Variants in PLXDC2 observed in about 807,000 individuals in gnomAD.
PLXDC2 encodes the protein plexin domain-containing protein 2.
In PLXDC2, 40 loss-of-function variants were observed where a neutral mutation model predicts 68.9. The observed-to-expected ratio is 0.58, with a 90% CI of 0.45 to 0.76. The LOEUF (loss-of-function observed/expected upper bound fraction) is 0.76. Ranked by LOEUF, PLXDC2 falls within the 30% of genes least tolerant of loss-of-function variation. The pLI, the probability that PLXDC2 is intolerant of heterozygous loss-of-function variation, is 0.00. For missense variants in PLXDC2, 644 were observed against 661.9 expected, an observed-to-expected ratio of 0.97 and a Z score of 0.30; for synonymous variants, 243 against 234.2, an observed-to-expected ratio of 1.04 and a Z score of -0.34.
At chr10:20,009,954 A>G (rs897017693) in intron 2 of PLXDC2, among the ~76,000 whole-genome samples, 1 of 151,978 alleles carries the variant, frequency 6.6e-6, no homozygotes, top group Non-Finnish European at 1.5e-5. Context: ...TTAAATTTAG[A>G]TTAGAATTGT....
chr10:19,964,872 C>A (rs1228833412), intron 1 of PLXDC2, among the ~76,000 whole-genome samples: 1 of 152,162 alleles, frequency 6.6e-6, no homozygotes, highest in African/African-American at 2.4e-5. Flanking sequence ...CCTCTGGGAG[C>A]AACCCAGGCT....
chr10:19,982,738 A>G (rs988171124), intron 1 of PLXDC2, among the ~76,000 whole-genome samples: 1 of 152,128 alleles, frequency 6.6e-6, no homozygotes, highest in Non-Finnish European at 1.5e-5. Flanking sequence ...AATGATCTGT[A>G]AAAATCAGCT....
chr10:19,861,039 C>A (rs1030661253), intron 1 of PLXDC2, among the ~76,000 whole-genome samples: 1 of 144,430 alleles, frequency 6.9e-6, no homozygotes, highest in Admixed American at 6.9e-5. Context: ...TACTTTCTGT[C>A]TTTTCTTTTT....
At chr10:20,057,593 C>G (rs1836021208) in intron 3 of PLXDC2, among the ~76,000 whole-genome samples, 1 of 151,908 alleles carries the variant, frequency 6.6e-6, no homozygotes, top group Admixed American at 6.6e-5. Context: ...ATCTTTTTTT[C>G]TCATTTTGCT....
At chr10:20,012,878 C>G (rs1346653540) in intron 2 of PLXDC2, among the ~76,000 whole-genome samples, 1 of 152,144 alleles carries the variant, frequency 6.6e-6, no homozygotes, top group Non-Finnish European at 1.5e-5. Context: ...TGTCTAGAAA[C>G]AAAAGTACTG....
chr10:19,979,353 A>T (rs1300507917), intron 1 of PLXDC2, among the ~76,000 whole-genome samples: 5 of 151,734 alleles, frequency 3.3e-5, no homozygotes, highest in Admixed American at 3.3e-4. Context: ...TCTTCCTTTC[A>T]TCTGTCTATC....
intron 1 of PLXDC2, among the ~76,000 whole-genome samples, chr10:20,000,535 T>G (rs1360026922): frequency 6.6e-6 from 1 of 152,190 alleles, no homozygotes; most frequent in Non-Finnish European, 1.5e-5. Context: ...TTTTACTGTA[T>G]GCATCATGAC....
chr10:20,153,592 C>G (rs1367858017), intron 6 of PLXDC2, among the ~76,000 whole-genome samples: 2 of 152,064 alleles, frequency 1.3e-5, no homozygotes, highest in Non-Finnish European at 1.5e-5. Context: ...TTAACAATAA[C>G]CTCCAAAGTT....
At chr10:20,082,947 A>ATATGTATGTATGTATGTATGTATG (rs143600746) in intron 4 of PLXDC2, among the ~76,000 whole-genome samples, 7 of 151,616 alleles carry the variant, frequency 4.6e-5, no homozygotes, top group African/African-American at 1.7e-4. Flanking sequence ...ATATGTACAT[A>ATATGTATGTATGTATGTATGTATG]TATGTATGTA....
intron 1 of PLXDC2, among the ~76,000 whole-genome samples, chr10:19,831,616 CTGT>C (rs1836694257): frequency 6.6e-6 from 1 of 152,132 alleles, no homozygotes; most frequent in South Asian, 2.1e-4. Flanking sequence ...ACCCCAGTGT[CTGT>C]TGTTCTCTTT....
rs1206547911 is a variant in PLXDC2, at chr10:20,281,909, G to A, written c.*2090G>A. 1 of 152,082 alleles carries A rather than the reference G, an allele frequency of 6.6e-6. No individual in the cohort carries two copies. Among genetic ancestry groups the A allele is most frequent in the Non-Finnish European group, 1.5e-5 (1 of 68,000 alleles). The allele number at this position is 152,082 out of a possible 1,614,324, so 9.4% of individuals were successfully genotyped here. A position where few individuals can be genotyped will look rare whatever the true frequency, so the allele number is the denominator to read the frequency against. On this transcript the variant is annotated 3_prime_UTR_variant, in exon 14 of 14. Transcript: ENST00000377252. ...TTTGTGGTAGCTGTGGCTTCCAATA[G>A]CAACTGTTTGACAGTTATATAAATC... is the stretch of plus-strand genomic sequence containing the variant.
At chr10:20,122,482 C>G (rs1348361114) in intron 4 of PLXDC2, among the ~76,000 whole-genome samples, 1 of 152,150 alleles carries the variant, frequency 6.6e-6, no homozygotes, top group Non-Finnish European at 1.5e-5. Context: ...GGCCAGAGTT[C>G]CAGGGGCTCT....
intron 13 of PLXDC2, among the ~76,000 whole-genome samples, chr10:20,266,899 A>T (rs1181667287): frequency 6.6e-6 from 1 of 152,230 alleles, no homozygotes. Context: ...TATCTAAAAT[A>T]ATCCAAGTGT....
At chr10:19,824,169 A>G (rs898278924) in intron 1 of PLXDC2, among the ~76,000 whole-genome samples, 1 of 152,222 alleles carries the variant, frequency 6.6e-6, no homozygotes, top group Non-Finnish European at 1.5e-5. Context: ...CTTATGTTTC[A>G]ATAACAGACA....
intron 4 of PLXDC2, among the ~76,000 whole-genome samples, chr10:20,091,061 C>T (rs186807986): frequency 3.9e-5 from 6 of 152,110 alleles, no homozygotes; most frequent in Non-Finnish European, 8.8e-5. Flanking sequence ...GCCAGCCCCC[C>T]CACACCCCGG....
chr10:20,259,569 G>A (rs868201087), intron 13 of PLXDC2, among the ~76,000 whole-genome samples: 1 of 152,128 alleles, frequency 6.6e-6, no homozygotes, highest in Non-Finnish European at 1.5e-5. Context: ...ATAACAAACC[G>A]CCCATAGCCA....
chr10:20,006,520 C>T (rs1554852478), intron 2 of PLXDC2, among the ~76,000 whole-genome samples: 2 of 152,148 alleles, frequency 1.3e-5, no homozygotes, highest in Non-Finnish European at 1.5e-5. Flanking sequence ...TGGTATTCCT[C>T]AGATGTTCTC....
chr10:19,824,329 C>T (rs1407131207), intron 1 of PLXDC2, among the ~76,000 whole-genome samples: 2 of 152,158 alleles, frequency 1.3e-5, no homozygotes, highest in Admixed American at 1.3e-4. Context: ...CATTTGTGTG[C>T]TAGCTTACCT....
intron 4 of PLXDC2, among the ~76,000 whole-genome samples, chr10:20,090,657 C>G (rs535082225): frequency 6.6e-6 from 1 of 152,156 alleles, no homozygotes; most frequent in Admixed American, 6.5e-5. Flanking sequence ...TCCTGAAATT[C>G]TGAAGTTGGA....
Sources: gnomAD v4.1 joint callset for allele counts (sites outside exome capture counted in the v4.1 genomes callset) on GRCh38, gnomAD v4.1.1 for gene constraint, MANE v1.5 for transcripts, NCBI Gene and HGNC (gene_info 2026-07-23, HGNC 2026-07-21) for gene names.